LHFPL3: variants seen among roughly 807,000 people sequenced by gnomAD.
LHFPL3 encodes the protein LHFPL tetraspan subfamily member 3, also known as LHFPL tetraspan subfamily member 3 protein.
LHFPL3 carries 5 observed loss-of-function variants against 19.3 expected under a neutral mutation model. The observed-to-expected ratio is 0.26, with a 90% CI of 0.14 to 0.54. The LOEUF is 0.54. Ranked by LOEUF, LHFPL3 falls within the 20% of genes least tolerant of loss-of-function variation. The pLI, the probability that LHFPL3 is intolerant of heterozygous loss-of-function variation, is 0.94. For missense variants in LHFPL3, 249 were observed against 307.4 expected (o/e 0.81, Z 1.42); for synonymous variants, 133 against 126.2 (o/e 1.05, Z -0.36).
At chr7:104,750,435 T>TAAC (rs1562981950) in intron 2 of LHFPL3, among the ~76,000 whole-genome samples, 43 of 152,350 alleles carry the variant, frequency 2.8e-4, no homozygotes, top group African/African-American at 9.9e-4. Context: ...GGAGTAATAA[T>TAAC]TGAGCAATCT....
At chr7:104,464,122 T>A (rs781533311) in intron 1 of LHFPL3, among the ~76,000 whole-genome samples, 10 of 152,232 alleles carry the variant, frequency 6.6e-5, no homozygotes, top group Non-Finnish European at 1.0e-4. Flanking sequence ...AGGGGCTACA[T>A]GCCCCATGCA....
chr7:104,511,913 C>CTAATATAAT (rs1793821290), intron 1 of LHFPL3, among the ~76,000 whole-genome samples: 1 of 149,588 alleles, frequency 6.7e-6, no homozygotes, highest in Non-Finnish European at 1.5e-5. Flanking sequence ...CTGGTTCTAA[C>CTAATATAAT]GTTCTAATAG....
chr7:104,631,293 C>G (rs1188578227), intron 1 of LHFPL3, among the ~76,000 whole-genome samples: 2 of 2,658 alleles, frequency 7.5e-4, no homozygotes, highest in Admixed American at 0.015. Flanking sequence ...TGTCCTCTTT[C>G]ATTTTCAGTG....
At chr7:104,825,099 AGGAGG>A (rs1790791783) in intron 2 of LHFPL3, among the ~76,000 whole-genome samples, 4 of 150,856 alleles carry the variant, frequency 2.7e-5, no homozygotes, top group Non-Finnish European at 5.9e-5. Flanking sequence ...GAGTTAAGAT[AGGAGG>A]ACCATATAAG....
At chr7:104,441,554 TCA>T (rs112541902) in intron 1 of LHFPL3, among the ~76,000 whole-genome samples, 25,182 of 152,012 alleles carry the variant, frequency 0.17, 3,146 homozygotes, top group African/African-American at 0.35. Context: ...AGACAATATC[TCA>T]CTTTGAGATC....
chr7:104,478,390 T>G (rs115600413), intron 1 of LHFPL3, among the ~76,000 whole-genome samples: 1 of 152,164 alleles, frequency 6.6e-6, no homozygotes, highest in African/African-American at 2.4e-5. Flanking sequence ...TTGGGGGCTC[T>G]TGGGGGTAGT....
chr7:104,489,957 CT>C (rs1215921024), intron 1 of LHFPL3, among the ~76,000 whole-genome samples: 1 of 152,174 alleles, frequency 6.6e-6, no homozygotes, highest in Non-Finnish European at 1.5e-5. Context: ...CTGTGGCCTA[CT>C]GCAGGTCTAA....
intron 1 of LHFPL3, among the ~76,000 whole-genome samples, chr7:104,363,745 A>T (rs557061989): frequency 6.6e-6 from 1 of 152,358 alleles, no homozygotes; most frequent in South Asian, 2.1e-4. Flanking sequence ...CAGAGGGAAG[A>T]GGGCCTGGTG....
At position 104,694,804 on chromosome 7, in the gene LHFPL3, C is replaced by T. The variant is rs1173995857; in HGVS notation, c.446-41871C>T. Among the ~76,000 whole-genome samples, 3 of 152,204 alleles carry T rather than the reference C, an allele frequency of 2.0e-5. No homozygotes were observed. The East Asian group carries it at 5.8e-4, about 29-fold the overall frequency. On this transcript the variant is annotated intron_variant, in intron 1 of 2. Coordinates refer to ENST00000424859, the MANE Select transcript of LHFPL3 (RefSeq NM_199000.3). Reference sequence around the variant, plus strand: ...AAATACGCTGCAAGACTGCAATTGGCAGCACAGCAAGAAGGGTCTGTCTGC... The same window carrying T: ...AAATACGCTGCAAGACTGCAATTGGTAGCACAGCAAGAAGGGTCTGTCTGC...
chr7:104,458,513 C>T (rs1471783009), intron 1 of LHFPL3, among the ~76,000 whole-genome samples: 1 of 152,122 alleles, frequency 6.6e-6, no homozygotes, highest in Non-Finnish European at 1.5e-5. Flanking sequence ...GTTTTGGTTA[C>T]TGTAGCCTTG....
chr7:104,776,132 A>T (rs1293271620), intron 2 of LHFPL3, among the ~76,000 whole-genome samples: 1 of 152,230 alleles, frequency 6.6e-6, no homozygotes, highest in Non-Finnish European at 1.5e-5. Flanking sequence ...CTGAAGCTTC[A>T]TTGTGGTGAA....
At chr7:104,635,507 G>A (rs896367338) in intron 1 of LHFPL3, among the ~76,000 whole-genome samples, 38 of 152,054 alleles carry the variant, frequency 2.5e-4, no homozygotes, top group African/African-American at 8.9e-4. Flanking sequence ...TTAAAATCTG[G>A]AAGACAATAG....
chr7:104,837,725 G>A (rs921514401), intron 2 of LHFPL3, among the ~76,000 whole-genome samples: 4 of 152,000 alleles, frequency 2.6e-5, no homozygotes, highest in African/African-American at 9.7e-5. Context: ...CCCATCACCT[G>A]GGCAGTATAC....
At chr7:104,526,701 C>T (rs1794194309) in intron 1 of LHFPL3, among the ~76,000 whole-genome samples, 1 of 152,188 alleles carries the variant, frequency 6.6e-6, no homozygotes, top group Admixed American at 6.5e-5. Context: ...GCACTAACAG[C>T]AAAGGCTAGG....
chr7:104,406,647 A>T (rs1445961938), intron 1 of LHFPL3, among the ~76,000 whole-genome samples: 1 of 152,250 alleles, frequency 6.6e-6, no homozygotes, highest in Non-Finnish European at 1.5e-5. Flanking sequence ...AGAAAGACAC[A>T]GGTAGATATG....
At chr7:104,554,686 GATAGACA>G (rs1794729284) in intron 1 of LHFPL3, among the ~76,000 whole-genome samples, 1 of 140,086 alleles carries the variant, frequency 7.1e-6, no homozygotes, top group African/African-American at 3.2e-5. Flanking sequence ...TAGATAGATA[GATAGACA>G]GACAGATGAT....
At chr7:104,375,007 T>A (rs1023885476) in intron 1 of LHFPL3, among the ~76,000 whole-genome samples, 1 of 152,250 alleles carries the variant, frequency 6.6e-6, no homozygotes, top group Non-Finnish European at 1.5e-5. Flanking sequence ...AGTGTCAGTA[T>A]ATTTTCATTT....
intron 2 of LHFPL3, among the ~76,000 whole-genome samples, chr7:104,861,165 G>T (rs1441528865): frequency 6.6e-6 from 1 of 152,138 alleles, no homozygotes; most frequent in Non-Finnish European, 1.5e-5. Flanking sequence ...ATTAGATTGT[G>T]TGTTAGTGTG....
intron 1 of LHFPL3, among the ~76,000 whole-genome samples, chr7:104,674,541 G>A (rs575885178): frequency 5.4e-4 from 82 of 152,036 alleles, no homozygotes; most frequent in Non-Finnish European, 9.9e-4. Flanking sequence ...GGTTATTTTT[G>A]TGTTTTTAGT....
Sources: allele counts gnomAD v4.1 joint callset (sites outside exome capture counted in the v4.1 genomes callset), GRCh38; gene constraint gnomAD v4.1.1; transcripts MANE v1.5; gene names NCBI Gene and HGNC (gene_info 2026-07-23, HGNC 2026-07-21).